The following PCDHA2 variants were observed in gnomAD, a reference collection of about 807,000 sequenced individuals.
The protein encoded by PCDHA2 is protocadherin alpha-2.
A neutral mutation model predicts 66.0 loss-of-function variants in PCDHA2; 58 were observed. The observed-to-expected ratio is 0.88, with a 90% CI of 0.71 to 1.09. PCDHA2 has a LOEUF of 1.09. Ranked by LOEUF, PCDHA2 falls within the 50% of genes least tolerant of loss-of-function variation. The pLI, the probability that PCDHA2 is intolerant of heterozygous loss-of-function variation, is 0.00. For synonymous variants in PCDHA2, 634 were observed against 554.0 expected, an observed-to-expected ratio of 1.14 and a Z score of -2.03; for missense variants, 1,267 against 1,242.3, an observed-to-expected ratio of 1.02 and a Z score of -0.30.
chr5:140,795,817 G>A lies in PCDHA2; in HGVS notation c.853G>A (p.Val285Met), dbSNP rs1178449834. 2.5e-6 allele frequency: 4 copies of A among 1,613,608 alleles called. No individual in the cohort carries two copies. Among genetic ancestry groups the A allele is most frequent in the East Asian group, 2.2e-5 (1 of 44,894 alleles). ...GATTGTGTATTCACTCGGTAGTGAT[G>A]TGTCCTCCACTATACAGACTAAGTT... The part of the protein sequence containing the change: ...SEIVYSLGSD[V>M]SSTIQTKFTI... Residue 285 changes from valine (V) to methionine (M), a missense_variant, in exon 1 of 4, where the codon GTG becomes ATG. Coordinates refer to ENST00000526136, the MANE Select transcript of PCDHA2 (RefSeq NM_018905.3).
Position 140,968,070 on chromosome 5 carries a change from A to G in PCDHA2, c.2389-10879A>G, listed in dbSNP as rs377189542. On this transcript the variant is annotated intron_variant, in intron 1 of 3. Transcript: ENST00000526136. The stretch of plus-strand genomic sequence containing the variant: ...CTGGACCGAGAGCGGGTGGCTGTCT[A>G]CAACATCACGGTGACAGCCACAGAT... 3.5e-5 allele frequency: 57 copies of G among 1,614,034 alleles called. No homozygotes were observed. The highest frequency in any genetic ancestry group is 1.6e-4 in the Middle Eastern group (1 of 6,082).
chr5:140,842,154 C>A, intron 1 of PCDHA2: 1 of 1,613,876 alleles, frequency 6.2e-7, no homozygotes, highest in Non-Finnish European at 8.5e-7. Flanking sequence ...GGGGCAATTT[C>A]ATATTCTTTT....
chr5:140,828,802 T>C (rs2150159196), intron 1 of PCDHA2: 42 of 1,614,232 alleles, frequency 2.6e-5, no homozygotes, highest in Non-Finnish European at 3.5e-5. Context: ...ATGTGAATGA[T>C]AATGCTCCCA....
chr5:140,923,456 G>T (rs1554201450), intron 1 of PCDHA2, among the ~76,000 whole-genome samples: 3 of 152,134 alleles, frequency 2.0e-5, no homozygotes, highest in African/African-American at 7.2e-5. Flanking sequence ...TGAGCCCAGA[G>T]AGGTAGGGGC....
At chr5:140,900,079 C>T (rs1289822790) in intron 1 of PCDHA2, among the ~76,000 whole-genome samples, 11 of 152,066 alleles carry the variant, frequency 7.2e-5, no homozygotes, top group East Asian at 3.9e-4. Context: ...AAAAGTGCTG[C>T]AGTTACAAGC....
intron 1 of PCDHA2, among the ~76,000 whole-genome samples, chr5:140,950,430 A>T (rs1312660380): frequency 6.6e-6 from 1 of 151,876 alleles, no homozygotes; most frequent in Admixed American, 6.6e-5. Context: ...TCTTCCACTT[A>T]AAAAAAATGT....
At chr5:140,962,084 A>G (rs541325949) in intron 1 of PCDHA2, among the ~76,000 whole-genome samples, 1 of 152,028 alleles carries the variant, frequency 6.6e-6, no homozygotes, top group African/African-American at 2.4e-5. Flanking sequence ...ACGGGGTTTC[A>G]CCATGTTAGC....
At chr5:140,944,818 T>G (rs1490682721) in intron 1 of PCDHA2, among the ~76,000 whole-genome samples, 1 of 152,236 alleles carries the variant, frequency 6.6e-6, no homozygotes, top group East Asian at 1.9e-4. Context: ...CAGTGATCTT[T>G]GCCCCATAAT....
At chr5:140,896,226 T>G (rs1554186874) in intron 1 of PCDHA2, among the ~76,000 whole-genome samples, 1 of 152,242 alleles carries the variant, frequency 6.6e-6, no homozygotes, top group African/African-American at 2.4e-5. Flanking sequence ...GTCTTTATAG[T>G]AGAATGACTT....
chr5:140,834,254 G>C, intron 1 of PCDHA2: 2 of 927,248 alleles, frequency 2.2e-6, no homozygotes, highest in Non-Finnish European at 3.3e-6. Context: ...CTGGAAAGAC[G>C]CTCCACTCTC....
At chr5:140,844,738 A>G (rs1554140712) in intron 1 of PCDHA2, among the ~76,000 whole-genome samples, 2 of 149,560 alleles carry the variant, frequency 1.3e-5, no homozygotes, top group African/African-American at 4.9e-5. Context: ...AATATTTAGT[A>G]TTATGGGATA....
chr5:140,959,480 T>C (rs1554224103), intron 1 of PCDHA2, among the ~76,000 whole-genome samples: 1 of 152,222 alleles, frequency 6.6e-6, no homozygotes, highest in Non-Finnish European at 1.5e-5. Context: ...TCAAGGCATA[T>C]TGTTATATAT....
intron 1 of PCDHA2, among the ~76,000 whole-genome samples, chr5:140,965,923 G>T (rs1418904178): frequency 1.3e-5 from 2 of 152,232 alleles, no homozygotes; most frequent in African/African-American, 4.8e-5. Context: ...TTTTAGGCTT[G>T]CTCCCGGAAA....
At chr5:140,968,817 T>C in intron 1 of PCDHA2, 2 of 1,614,110 alleles carry the variant, frequency 1.2e-6, no homozygotes, top group Middle Eastern at 3.3e-4. Flanking sequence ...GTGGATAGGG[T>C]TTCCAAAATC....
At chr5:140,831,961 A>G (rs1331979824) in intron 1 of PCDHA2, among the ~76,000 whole-genome samples, 1 of 152,176 alleles carries the variant, frequency 6.6e-6, no homozygotes, top group Non-Finnish European at 1.5e-5. Flanking sequence ...ACTTTATGTC[A>G]TTTTATGCTA....
chr5:140,815,780 C>T (rs1220989871), intron 1 of PCDHA2: 2 of 152,174 alleles, frequency 1.3e-5, no homozygotes, highest in African/African-American at 4.8e-5. Context: ...ATTGTGATCA[C>T]CTTCAGCTTT....
rs1762995615 is a variant in PCDHA2, at chr5:140,802,678, T to C, written c.2388+5326T>C. On this transcript the variant is annotated intron_variant, in intron 1 of 3. Transcript: ENST00000526136. ...GAGAACGCCCTGGTGTCCTACTCGCTGGTGGAACGGCGGGTGGGGGAGCGC... is the reference window on the plus strand; with the variant it reads ...GAGAACGCCCTGGTGTCCTACTCGCCGGTGGAACGGCGGGTGGGGGAGCGC... The C allele has an allele frequency of 3.1e-6, 5 of 1,613,268 alleles. No individual in the cohort carries two copies. The East Asian group carries it at 1.1e-4, about 36-fold the overall frequency.
chr5:140,801,137 C>T (rs1357728737), intron 1 of PCDHA2: 5 of 1,524,932 alleles, frequency 3.3e-6, no homozygotes, highest in East Asian at 4.5e-5. Context: ...ATAAGGAACT[C>T]GAATTATTTT....
chr5:140,869,445 G>T, intron 1 of PCDHA2: 2 of 1,614,232 alleles, frequency 1.2e-6, no homozygotes, highest in Non-Finnish European at 1.7e-6. Flanking sequence ...ACAGGCCGCT[G>T]CAGGTTTTCC....
Sources: allele counts gnomAD v4.1 joint callset (sites outside exome capture counted in the v4.1 genomes callset), GRCh38; gene constraint gnomAD v4.1.1; transcripts MANE v1.5; gene names NCBI Gene and HGNC (gene_info 2026-07-23, HGNC 2026-07-21).